Variants in AKAP13 observed in about 807,000 individuals in gnomAD.
The protein encoded by AKAP13 is A-kinase anchor protein 13.
AKAP13 carries 80 observed loss-of-function variants against 264.5 expected under a neutral mutation model. The observed-to-expected ratio is 0.30, with a 90% CI of 0.25 to 0.36. The LOEUF (loss-of-function observed/expected upper bound fraction) is 0.36. AKAP13 is among the 10% of genes least tolerant of loss of function. The pLI, the probability that AKAP13 is intolerant of heterozygous loss-of-function variation, is 1.00. For synonymous variants in AKAP13, 1,380 were observed against 1,250.2 expected (o/e 1.10, Z -2.19); for missense variants, 3,712 against 3,435.2 (o/e 1.08, Z -2.01).
At chr15:85,732,789 GTATTAC>G (rs941873899) in intron 30 of AKAP13, among the ~76,000 whole-genome samples, 10 of 149,622 alleles carry the variant, frequency 6.7e-5, no homozygotes, top group East Asian at 3.9e-4. Context: ...AATACTAATA[GTATTAC>G]TATTACTATT....
rs182493105 is a variant in AKAP13, at chr15:85,565,303, G to A, written c.663-9828G>A. 3.3e-3 allele frequency among the ~76,000 whole-genome samples: 504 copies of A among 151,418 alleles called. 7 individuals are homozygous for A. The highest frequency in any genetic ancestry group is 0.011 in the African/African-American group (463 of 41,346). ...GGACCTTCCTGCAGTATTTATATTC[G>A]TTCATCTACAGATCTTTCTTTCACT... On this transcript the variant is annotated intron_variant, in intron 5 of 36. Coordinates refer to ENST00000394518, the MANE Select transcript of AKAP13 (RefSeq NM_007200.5).
intron 1 of AKAP13, among the ~76,000 whole-genome samples, chr15:85,439,751 A>G (rs953872037): frequency 8.5e-5 from 12 of 141,960 alleles, no homozygotes; most frequent in South Asian, 4.7e-4. Context: ...ATTCTCACTC[A>G]TAGGTGGGAA....
chr15:85,645,828 C>T lies in AKAP13; in HGVS notation c.4248C>T (p.Asn1416=). The change falls in exon 10 of 37, where the codon AAC becomes AAT. Residue 1416 remains asparagine (N), a synonymous_variant. Coordinates refer to ENST00000394518, the MANE Select transcript of AKAP13 (RefSeq NM_007200.5). ...AATTCTCTTTTTCAGAATGTGAGAACTTCCTGGATGTTGGACTGGGCAGAG... is the reference window on the plus strand; with the variant it reads ...AATTCTCTTTTTCAGAATGTGAGAATTTCCTGGATGTTGGACTGGGCAGAG... ...LASKQSPECE[N]FLDVGLGREC... is the part of the protein sequence containing the mutation. 6.3e-7 allele frequency: 1 copy of T among 1,579,048 alleles called. No individual in the cohort carries two copies.
intron 11 of AKAP13, among the ~76,000 whole-genome samples, chr15:85,656,669 C>T (rs1235568889): frequency 2.6e-5 from 4 of 152,068 alleles, no homozygotes; most frequent in African/African-American, 4.8e-5. Context: ...AGGATGGTCT[C>T]GATCTCCTGA....
rs547121615 is a variant in AKAP13 at position 85,646,377 on chromosome 15, A to G, written c.4374+423A>G. Among the ~76,000 whole-genome samples, 4 of 152,310 alleles carry G rather than the reference A, an allele frequency of 2.6e-5. No homozygotes were observed. The South Asian group carries it at 8.3e-4, about 32-fold the overall frequency. On this transcript the variant is annotated intron_variant, in intron 10 of 36. Transcript: ENST00000394518. ...AGGAGGTGGAGGTTGCAGTGAGTCA[A>G]GTTCGCGCCACTAAACTCTAGCCTG...
At chr15:85,415,115 C>T in intron 1 of AKAP13, 1 of 619,488 alleles carries the variant, frequency 1.6e-6, no homozygotes, top group South Asian at 1.8e-5. Flanking sequence ...TAATTAGTAA[C>T]AGCATCCCAG....
chr15:85,422,972 C>T (rs1015981610), intron 1 of AKAP13, among the ~76,000 whole-genome samples: 1 of 152,210 alleles, frequency 6.6e-6, no homozygotes, highest in Non-Finnish European at 1.5e-5. Flanking sequence ...TTTCCCGGTG[C>T]ATATGTTTTG....
At chr15:85,738,995 T>C (rs2088762331) in intron 33 of AKAP13, among the ~76,000 whole-genome samples, 1 of 152,238 alleles carries the variant, frequency 6.6e-6, no homozygotes, top group Admixed American at 6.5e-5. Context: ...CTTTTTTTCC[T>C]CTTAATATGC....
Position 85,743,724 on chromosome 15 carries a change from C to T in AKAP13, c.8291C>T (p.Pro2764Leu), listed in dbSNP as rs894614215. The T allele has an allele frequency of 1.2e-6, 2 of 1,614,030 alleles. No homozygotes were observed. The highest frequency in any genetic ancestry group is 1.3e-5 in the African/African-American group (1 of 74,900). Residue 2764 changes from proline to leucine, a missense_variant, in exon 36 of 37, where the codon CCT (proline) becomes CTT (leucine). Transcript: ENST00000394518. Reference sequence around the variant, plus strand: ...GGACCAGAAGGGCAGAGCCAGGCCCCTGCGTCCACCTCTGCCTCTACCCGC... The same window carrying T: ...GGACCAGAAGGGCAGAGCCAGGCCCTTGCGTCCACCTCTGCCTCTACCCGC... The part of the protein sequence containing the change: ...NKGPEGQSQA[P>L]ASTSASTRLF...
chr15:85,549,135 T>TACTTGATGTAGG (rs1241848683), intron 5 of AKAP13, among the ~76,000 whole-genome samples: 2 of 152,192 alleles, frequency 1.3e-5, no homozygotes, highest in Admixed American at 6.5e-5. Context: ...TGAATGTCCC[T>TACTTGATGTAGG]ACTTGATGTA....
rs957480780 is a variant in AKAP13 at position 85,708,120 on chromosome 15, A to G, written c.5532+34A>G. The G allele has an allele frequency of 1.2e-6, 2 of 1,606,094 alleles. No homozygotes were observed. Among genetic ancestry groups the G allele is most frequent in the African/African-American group, 2.7e-5 (2 of 74,804 alleles). Reference sequence around the variant, plus strand: ...TTCTGGCTAAAACAAGGCTTAAAATAAAAGGGTTTAAACCAGCAAAATCCT... The same window carrying G: ...TTCTGGCTAAAACAAGGCTTAAAATGAAAGGGTTTAAACCAGCAAAATCCT... On this transcript the variant is annotated intron_variant, in intron 18 of 36. Transcript: ENST00000394518. This position sits in a 1 kb window ranked among gnomAD's most constrained non-coding sequence, Gnocchi z 4.3.
At chr15:85,573,499 C>G (rs551677007) in intron 5 of AKAP13, among the ~76,000 whole-genome samples, 1 of 151,598 alleles carries the variant, frequency 6.6e-6, no homozygotes, top group Non-Finnish European at 1.5e-5. Context: ...GAGCCAAGAT[C>G]GCACCACCGC....
intron 1 of AKAP13, among the ~76,000 whole-genome samples, chr15:85,384,798 C>T (rs1005990326): frequency 1.3e-5 from 2 of 151,912 alleles, no homozygotes; most frequent in Non-Finnish European, 2.9e-5. Context: ...CGTTTGTCCT[C>T]ATATTTATAG....
intron 5 of AKAP13, chr15:85,555,431 T>G: frequency 7.8e-7 from 1 of 1,289,032 alleles, no homozygotes; most frequent in Non-Finnish European, 1.0e-6. Context: ...AAAGCTGTAG[T>G]ATGAAGCCAA....
At chr15:85,555,476 G>A (rs2151245330) in intron 5 of AKAP13, 2 of 1,287,436 alleles carry the variant, frequency 1.6e-6, no homozygotes, top group East Asian at 5.6e-5. Context: ...TATTCGGGGT[G>A]CTTGGGCAGC....
chr15:85,541,873 A>G (rs2077590482), intron 4 of AKAP13, among the ~76,000 whole-genome samples: 1 of 152,222 alleles, frequency 6.6e-6, no homozygotes, highest in South Asian at 2.1e-4. Context: ...TCAGAAATTG[A>G]GAGAGGATGT....
chr15:85,585,261 T>C (rs17570795), intron 7 of AKAP13, among the ~76,000 whole-genome samples: 7,973 of 152,310 alleles, frequency 0.052, 300 homozygotes, highest in Middle Eastern at 0.15. Context: ...CCAGAGGCTT[T>C]TTCTCATTCT....
chr15:85,503,171 C>T (rs2076082786), intron 2 of AKAP13, among the ~76,000 whole-genome samples: 1 of 152,164 alleles, frequency 6.6e-6, no homozygotes, highest in Admixed American at 6.5e-5. Flanking sequence ...TAAGACACTC[C>T]TGGCACATAG....
At chr15:85,423,512 A>G (rs879750453) in intron 1 of AKAP13, among the ~76,000 whole-genome samples, 4 of 152,350 alleles carry the variant, frequency 2.6e-5, no homozygotes, top group Admixed American at 2.0e-4. Flanking sequence ...GCAGGAATTC[A>G]GTCATATCTT....
Sources: allele counts gnomAD v4.1 joint callset (sites outside exome capture counted in the v4.1 genomes callset), GRCh38; gene constraint gnomAD v4.1.1; non-coding constraint Gnocchi (gnomAD v3.1); transcripts MANE v1.5; gene names NCBI Gene and HGNC (gene_info 2026-07-23, HGNC 2026-07-21).